MGMT: variants seen among roughly 807,000 people sequenced by gnomAD.
MGMT encodes the protein methylated-DNA--protein-cysteine methyltransferase.
A neutral mutation model predicts 15.9 loss-of-function variants in MGMT; 14 were observed. The ratio of observed to expected loss-of-function variants is 0.88; its 90% CI spans 0.58 to 1.37. The LOEUF (loss-of-function observed/expected upper bound fraction) is 1.37. Among genes scored for constraint, MGMT ranks in the 40% most tolerant of loss-of-function variants. MGMT has a pLI of 0.00. For synonymous variants in MGMT, 130 were observed against 118.2 expected (o/e 1.10, Z -0.65); for missense variants, 282 against 268.1 (o/e 1.05, Z -0.36).
intron 2 of MGMT, among the ~76,000 whole-genome samples, chr10:129,663,708 A>G (rs1283882993): frequency 6.6e-6 from 1 of 152,236 alleles, no homozygotes; most frequent in Non-Finnish European, 1.5e-5. Flanking sequence ...TAAATATGAA[A>G]ACATTTTTGA....
chr10:129,699,814 C>T (rs557090234), intron 2 of MGMT, among the ~76,000 whole-genome samples: 22 of 152,270 alleles, frequency 1.4e-4, no homozygotes, highest in African/African-American at 3.1e-4. Flanking sequence ...GGGCTGTGCT[C>T]ATCACTTACT....
intron 2 of MGMT, among the ~76,000 whole-genome samples, chr10:129,668,669 TAGAG>T (rs1360662438): frequency 1.3e-5 from 2 of 152,230 alleles, no homozygotes; most frequent in African/African-American, 2.4e-5. Context: ...TCAAATCTAA[TAGAG>T]AAAGTACTTC....
chr10:129,638,440 A>AAAAAAAAAAAAAT (rs1847288501), intron 2 of MGMT, among the ~76,000 whole-genome samples: 1 of 119,256 alleles, frequency 8.4e-6, no homozygotes, highest in Non-Finnish European at 1.8e-5. Context: ...AAAAAAAAAA[A>AAAAAAAAAAAAAT]AAAAAGAAAA....
At chr10:129,719,600 C>A (rs1229833859) in intron 3 of MGMT, among the ~76,000 whole-genome samples, 2 of 152,122 alleles carry the variant, frequency 1.3e-5, no homozygotes, top group African/African-American at 4.8e-5. Context: ...TTCCTCTGGG[C>A]GTGCATCGCT....
intron 2 of MGMT, among the ~76,000 whole-genome samples, chr10:129,636,727 C>T (rs188707206): frequency 6.6e-6 from 1 of 152,186 alleles, no homozygotes; most frequent in East Asian, 1.9e-4. Context: ...ATTATTCTTT[C>T]TTTAATGAGG....
At chr10:129,503,241 C>G (rs1446230283) in intron 1 of MGMT, among the ~76,000 whole-genome samples, 1 of 152,078 alleles carries the variant, frequency 6.6e-6, no homozygotes, top group Non-Finnish European at 1.5e-5. Context: ...ACTTGGGGGT[C>G]AGCTACACTT....
chr10:129,602,218 A>T (rs1428693843), intron 2 of MGMT, among the ~76,000 whole-genome samples: 2 of 151,832 alleles, frequency 1.3e-5, no homozygotes, highest in African/African-American at 4.8e-5. Flanking sequence ...CTTTTTTTTT[A>T]AAGTACAAAA....
intron 2 of MGMT, among the ~76,000 whole-genome samples, chr10:129,609,106 G>A (rs994287037): frequency 6.6e-5 from 10 of 152,296 alleles, no homozygotes; most frequent in South Asian, 4.2e-4. Context: ...GATGCAGGGA[G>A]GGGCAGTGCC....
intron 3 of MGMT, among the ~76,000 whole-genome samples, chr10:129,731,596 A>G (rs1848498884): frequency 6.6e-6 from 1 of 151,958 alleles, no homozygotes; most frequent in African/African-American, 2.4e-5. Flanking sequence ...CGGTTTCACC[A>G]TTTTGGCCAG....
chr10:129,495,445 C>T (rs1845511062), intron 1 of MGMT, among the ~76,000 whole-genome samples: 2 of 152,174 alleles, frequency 1.3e-5, no homozygotes, highest in Non-Finnish European at 2.9e-5. Context: ...TGCATTTTTA[C>T]CCCACGGATC....
At chr10:129,516,791 C>T (rs1845743021) in intron 1 of MGMT, among the ~76,000 whole-genome samples, 1 of 152,096 alleles carries the variant, frequency 6.6e-6, no homozygotes, top group African/African-American at 2.4e-5. Flanking sequence ...TTGGCACCTG[C>T]TCATCTCCTT....
intron 1 of MGMT, among the ~76,000 whole-genome samples, chr10:129,523,651 A>G (rs1426173957): frequency 6.6e-6 from 1 of 152,102 alleles, no homozygotes; most frequent in Non-Finnish European, 1.5e-5. Context: ...GGATTTGGGG[A>G]CTGTGAAATC....
rs574252140 is a variant in MGMT, at chr10:129,594,401, A to T, written c.125+58024A>T. Among the ~76,000 whole-genome samples the T allele has an allele frequency of 1.1e-4, 17 of 152,346 alleles. No homozygotes were observed. The South Asian group carries it at 1.7e-3, about 15-fold the overall frequency. On this transcript the variant is annotated intron_variant, in intron 2 of 4. Coordinates refer to ENST00000651593, the MANE Select transcript of MGMT (RefSeq NM_002412.5). ...CTTGGAAAGAGATTTAAAGATTTTT[A>T]AAAAATCAGATTACTAAGGCATATT...
At chr10:129,707,630 G>T (rs569487003) in intron 2 of MGMT, among the ~76,000 whole-genome samples, 21 of 152,254 alleles carry the variant, frequency 1.4e-4, no homozygotes, top group Middle Eastern at 6.8e-3. Context: ...TCTTACAAAG[G>T]GACACTGTCA....
intron 2 of MGMT, among the ~76,000 whole-genome samples, chr10:129,567,541 GA>G (rs942113045): frequency 2.6e-5 from 4 of 152,104 alleles, no homozygotes; most frequent in African/African-American, 7.2e-5. Flanking sequence ...ACAGTAGGTT[GA>G]AAATCCTGTC....
intron 2 of MGMT, among the ~76,000 whole-genome samples, chr10:129,570,596 C>CAT (rs1423447836): frequency 6.6e-6 from 1 of 152,228 alleles, no homozygotes; most frequent in African/African-American, 2.4e-5. Flanking sequence ...TTTAGTGCAA[C>CAT]ATAATGAGTT....
chr10:129,605,282 T>A (rs1368118831), intron 2 of MGMT, among the ~76,000 whole-genome samples: 6 of 152,268 alleles, frequency 3.9e-5, no homozygotes, highest in Middle Eastern at 3.4e-3. Context: ...TATTATTTTT[T>A]AAAAAACTTA....
intron 2 of MGMT, among the ~76,000 whole-genome samples, chr10:129,650,269 T>C (rs1440607912): frequency 6.6e-6 from 1 of 152,108 alleles, no homozygotes; most frequent in Non-Finnish European, 1.5e-5. Flanking sequence ...ACGTTCGTAA[T>C]TGTGAACCTC....
At chr10:129,618,763 T>G (rs1311788104) in intron 2 of MGMT, among the ~76,000 whole-genome samples, 2 of 51,354 alleles carry the variant, frequency 3.9e-5, no homozygotes, top group Non-Finnish European at 6.2e-5. Context: ...TTAAAAATGC[T>G]ATATTTTTAG....
Sources: gnomAD v4.1 joint callset for allele counts (sites outside exome capture counted in the v4.1 genomes callset) on GRCh38, gnomAD v4.1.1 for gene constraint, MANE v1.5 for transcripts, NCBI Gene and HGNC (gene_info 2026-07-23, HGNC 2026-07-21) for gene names.